Variants in RAB31 observed in about 807,000 individuals in gnomAD.
The protein encoded by RAB31 is RAB31, member RAS oncogene family, also known as ras-related protein Rab-31.
A neutral mutation model predicts 25.6 loss-of-function variants in RAB31; 21 were observed. The ratio of observed to expected loss-of-function variants is 0.82; its 90% confidence interval spans 0.58 to 1.18. The LOEUF (loss-of-function observed/expected upper bound fraction) is 1.18, where lower values mean the gene tolerates loss of function less well. Among genes scored for constraint, RAB31 ranks in the 50% most tolerant of loss-of-function variants. The pLI is 0.00. For synonymous variants in RAB31, 87 were observed against 84.0 expected (o/e 1.04, Z -0.20); for missense variants, 196 against 250.1 (o/e 0.78, Z 1.46).
chr18:9,771,282 C>A (rs1294059321), intron 1 of RAB31, among the ~76,000 whole-genome samples: 1 of 152,190 alleles, frequency 6.6e-6, no homozygotes, highest in Non-Finnish European at 1.5e-5. Context: ...ACTCTACCAA[C>A]CAGCTATGTG....
chr18:9,738,125 G>C (rs1468317397), intron 1 of RAB31, among the ~76,000 whole-genome samples: 1 of 152,218 alleles, frequency 6.6e-6, no homozygotes, highest in South Asian at 2.1e-4. Flanking sequence ...ATGACTTAAC[G>C]CCGCCTGGGC....
At chr18:9,794,353 T>A (rs1393281814) in intron 3 of RAB31, among the ~76,000 whole-genome samples, 1 of 152,200 alleles carries the variant, frequency 6.6e-6, no homozygotes, top group African/African-American at 2.4e-5. Flanking sequence ...GTTCCCATAT[T>A]TGTAGATTAA....
At position 9,780,272 on chromosome 18, in the gene RAB31, T is replaced by TA. The variant is rs1032435705; in HGVS notation, c.119+4916dup. ...TCTTAGTGTACATACAGTTTTTTTT[T>TA]ACTCTGTGTTTTCTACTTAATATAT... On this transcript the variant is annotated intron_variant, in intron 2 of 6. Transcript: ENST00000578921. Among the ~76,000 whole-genome samples, 37 of 152,328 alleles carry TA rather than the reference T, an allele frequency of 2.4e-4. 1 individual carries two copies. The highest frequency in any genetic ancestry group is 8.4e-4 in the African/African-American group (35 of 41,584).
chr18:9,723,194 T>G (rs542204530), intron 1 of RAB31, among the ~76,000 whole-genome samples: 27 of 152,212 alleles, frequency 1.8e-4, no homozygotes, highest in African/African-American at 6.3e-4. Flanking sequence ...ATTACAGGCG[T>G]GTGGCACCAT....
intron 1 of RAB31, chr18:9,735,175 GC>G (rs1284718868): frequency 6.4e-6 from 1 of 156,628 alleles, no homozygotes; most frequent in Non-Finnish European, 1.4e-5. Flanking sequence ...CTGCCACCAT[GC>G]CTGCCTAAGT....
At chr18:9,742,772 A>G (rs555491400) in intron 1 of RAB31, among the ~76,000 whole-genome samples, 14 of 152,200 alleles carry the variant, frequency 9.2e-5, no homozygotes, top group Non-Finnish European at 1.5e-4. Context: ...TTCTCCGGAC[A>G]GTTTGGCTTG....
chr18:9,743,748 A>G (rs2068191636), intron 1 of RAB31, among the ~76,000 whole-genome samples: 1 of 152,172 alleles, frequency 6.6e-6, no homozygotes, highest in Non-Finnish European at 1.5e-5. Flanking sequence ...CCGCAGCACC[A>G]TGTTTCGCCA....
chr18:9,710,551 G>A (rs2068011125), intron 1 of RAB31, among the ~76,000 whole-genome samples: 1 of 152,170 alleles, frequency 6.6e-6, no homozygotes, highest in South Asian at 2.1e-4. Context: ...GGCAGACGGA[G>A]GCTTTGAAAC....
At chr18:9,828,054 G>A (rs775348780) in intron 5 of RAB31, among the ~76,000 whole-genome samples, 2 of 152,272 alleles carry the variant, frequency 1.3e-5, no homozygotes, top group Admixed American at 6.5e-5. Context: ...ATGTGCCACA[G>A]GCAGTTACGG....
At chr18:9,774,952 TTCTC>T in intron 1 of RAB31, 1 of 529,436 alleles carries the variant, frequency 1.9e-6, no homozygotes, top group Non-Finnish European at 3.7e-6. Context: ...CACGTACTTC[TTCTC>T]TAGAGCCCTC....
intron 1 of RAB31, among the ~76,000 whole-genome samples, chr18:9,730,116 C>T (rs2068115235): frequency 6.6e-6 from 1 of 152,174 alleles, no homozygotes; most frequent in Non-Finnish European, 1.5e-5. Flanking sequence ...CTCTCTATAG[C>T]ATCGCTGTGG....
chr18:9,799,852 T>C (rs2068504942), intron 3 of RAB31, among the ~76,000 whole-genome samples: 1 of 152,218 alleles, frequency 6.6e-6, no homozygotes, highest in Non-Finnish European at 1.5e-5. Flanking sequence ...ATTAGTAAGA[T>C]TTGTGCATGG....
At chr18:9,840,061 TCAGA>T (rs2068725211) in intron 5 of RAB31, among the ~76,000 whole-genome samples, 1 of 152,130 alleles carries the variant, frequency 6.6e-6, no homozygotes, top group Admixed American at 6.5e-5. Flanking sequence ...GGGGTGTGCT[TCAGA>T]CAGTCAGAGA....
intron 1 of RAB31, among the ~76,000 whole-genome samples, chr18:9,713,722 G>A (rs1302597599): frequency 6.6e-6 from 1 of 152,178 alleles, no homozygotes; most frequent in African/African-American, 2.4e-5. Flanking sequence ...AAATACCATA[G>A]GCTGGAGGGC....
chr18:9,849,967 CAA>C (rs553311576), intron 6 of RAB31, among the ~76,000 whole-genome samples: 4 of 152,004 alleles, frequency 2.6e-5, no homozygotes, highest in African/African-American at 9.7e-5. Context: ...TTTACATTTA[CAA>C]AAAAAGATCA....
At chr18:9,790,579 GCC>G (rs2068455036) in intron 2 of RAB31, among the ~76,000 whole-genome samples, 1 of 152,056 alleles carries the variant, frequency 6.6e-6, no homozygotes, top group Non-Finnish European at 1.5e-5. Context: ...CTGGGATCCA[GCC>G]AAGGTTCATA....
intron 1 of RAB31, among the ~76,000 whole-genome samples, chr18:9,762,910 C>T (rs1470523964): frequency 6.6e-6 from 1 of 151,992 alleles, no homozygotes; most frequent in African/African-American, 2.4e-5. Context: ...CAGGAGTTTC[C>T]TTTGCCACCA....
Position 9,793,311 on chromosome 18 carries a change from C to G in RAB31, c.201+1076C>G, listed in dbSNP as rs867753342. 1.7e-4 allele frequency among the ~76,000 whole-genome samples: 26 copies of G among 152,134 alleles called. 1 individual carries two copies. The Middle Eastern group carries it at 0.014, about 80-fold the overall frequency. On this transcript the variant is annotated intron_variant, in intron 3 of 6. Transcript: ENST00000578921. Reference sequence around the variant, plus strand: ...CAAGCTGGTCTTGAACTCCTGGCCTCAAGTAATCCTCCCACCTTGGCCTCC... The same window carrying G: ...CAAGCTGGTCTTGAACTCCTGGCCTGAAGTAATCCTCCCACCTTGGCCTCC...
intron 1 of RAB31, among the ~76,000 whole-genome samples, chr18:9,713,478 T>G (rs1468918129): frequency 2.0e-5 from 3 of 152,208 alleles, no homozygotes; most frequent in Non-Finnish European, 4.4e-5. Context: ...TTCCCAGCAG[T>G]GCCTGGCATA....
Sources: allele counts gnomAD v4.1 joint callset (sites outside exome capture counted in the v4.1 genomes callset), GRCh38; gene constraint gnomAD v4.1.1; transcripts MANE v1.5; gene names NCBI Gene and HGNC (gene_info 2026-07-23, HGNC 2026-07-21).